Variants in VIM observed in about 807,000 individuals in gnomAD.
The protein encoded by VIM is vimentin, also known as epididymis secretory sperm binding protein.
VIM carries 18 observed loss-of-function variants against 50.3 expected under a neutral mutation model. That is an observed-to-expected ratio of 0.36 (90% CI 0.25 to 0.53). The LOEUF (loss-of-function observed/expected upper bound fraction) is 0.53. Among genes scored for constraint, VIM ranks in the 20% least tolerant of loss-of-function variants. The pLI, the probability that VIM is intolerant of heterozygous loss-of-function variation, is 0.91. For missense variants in VIM, 551 were observed against 614.7 expected, an observed-to-expected ratio of 0.90 and a Z score of 1.10; for synonymous variants, 245 against 248.5, an observed-to-expected ratio of 0.99 and a Z score of 0.13.
Position 17,233,936 on chromosome 10 carries a change from G to A in VIM, c.882+5G>A, listed in dbSNP as rs1473969200. ...GAAGAATGGTACAAATCCAAGGTAG[G>A]AAACAAATCAGTGCGGCTTCAACCA... is the stretch of plus-strand genomic sequence containing the variant. On this transcript the variant is annotated splice_donor_5th_base_variant and intron_variant, in intron 5 of 9. Transcript: ENST00000544301. The A allele has an allele frequency of 6.2e-7, 1 of 1,612,094 alleles. No individual in the cohort carries two copies. The highest frequency in any genetic ancestry group is 1.3e-5 in the African/African-American group (1 of 74,972).
chr10:17,229,873 G>A lies in VIM; in HGVS notation c.451G>A (p.Glu151Lys), dbSNP rs121917775. 1.1e-5 allele frequency: 18 copies of A among 1,610,420 alleles called. No individual in the cohort carries two copies. Among genetic ancestry groups the A allele is most frequent in the South Asian group, 3.3e-5 (3 of 90,330 alleles). Residue 151 changes from glutamate (E) to lysine (K), a missense_variant, in exon 2 of 10, where the codon GAG becomes AAG. Glu to Lys is a moderately conservative substitution (Grantham distance 56). Around this residue, in one of 3 missense-constraint regions of VIM, gnomAD observed 394 missense variants for 437.5 expected, o/e 0.90. Coordinates refer to ENST00000544301, the MANE Select transcript of VIM (RefSeq NM_003380.5). Reference protein sequence around the residue: ...QGKSRLGDLYEEEMRELRRQV... With the variant: ...QGKSRLGDLYKEEMRELRRQV... ...CAAGTCGCGCCTGGGGGACCTCTAC[G>A]AGGAGGAGATGCGGGAGCTGCGCCG...
intron 9 of VIM, among the ~76,000 whole-genome samples, chr10:17,236,906 G>A (rs1441446992): frequency 6.6e-6 from 1 of 152,112 alleles, no homozygotes; most frequent in Admixed American, 6.6e-5. Flanking sequence ...AAATGTACCT[G>A]CTGCACATTT....
chr10:17,229,148 C>T (rs1024518348), intron 1 of VIM, 128 bp from the exon 2 acceptor site: 1 of 150,878 alleles, frequency 6.6e-6, no homozygotes, highest in Non-Finnish European at 1.5e-5. Flanking sequence ...GCCCCCACCC[C>T]ACCCGCCCAC....
At chr10:17,235,571 A>C in intron 7 of VIM, 182 bp downstream of exon 7, 1 of 760,382 alleles carries the variant, frequency 1.3e-6, no homozygotes, top group Non-Finnish European at 2.2e-6. Context: ...AAAAAGGGTT[A>C]ATCAACAGCA....
chr10:17,232,803 G>A (rs1207261871), intron 3 of VIM, among the ~76,000 whole-genome samples: 1 of 152,178 alleles, frequency 6.6e-6, no homozygotes, highest in Non-Finnish European at 1.5e-5. Context: ...TGAAGCACAA[G>A]TTTCTGTTCT....
chr10:17,235,341 A>T lies in VIM; in HGVS notation c.1181A>T (p.Asp394Val), dbSNP rs1258626020. 1 of 1,614,134 alleles carries T rather than the reference A, an allele frequency of 6.2e-7. No individual in the cohort carries two copies. Among genetic ancestry groups the T allele is most frequent in the African/African-American group, 1.3e-5 (1 of 74,942 alleles). Reference protein sequence around the residue: ...QDLLNVKMALDIEIATYRKLL... With the variant: ...QDLLNVKMALVIEIATYRKLL... ...CTGCTCAATGTTAAGATGGCCCTTG[A>T]CATTGAGATTGCCACCTACAGGAAG... The change falls in exon 7 of 10, where the codon GAC becomes GTC. Residue 394 changes from aspartate (D) to valine (V), a missense_variant. Physicochemically the swap from Asp to Val is radical, Grantham distance 152 (BLOSUM62 -3). Transcript: ENST00000544301.
In VIM at chr10:17,229,479, C is replaced by A. The variant is rs1322281451; in HGVS notation, c.57C>A (p.Gly19=). ...SSYRRMFGGP[G]TASRPSSSRS... is the part of the protein sequence containing the mutation. Reference sequence around the variant, plus strand: ...ACCGCAGGATGTTCGGCGGCCCGGGCACCGCGAGCCGGCCGAGCTCCAGCC... The same window carrying A: ...ACCGCAGGATGTTCGGCGGCCCGGGAACCGCGAGCCGGCCGAGCTCCAGCC... The change falls in exon 2 of 10, where the codon GGC becomes GGA. Residue 19 remains glycine, a synonymous_variant. Coordinates refer to ENST00000544301, the MANE Select transcript of VIM (RefSeq NM_003380.5). 1 of 1,606,430 alleles carries A rather than the reference C, an allele frequency of 6.2e-7. No homozygotes were observed. Among genetic ancestry groups the A allele is most frequent in the African/African-American group, 1.3e-5 (1 of 74,926 alleles).
Position 17,229,631 on chromosome 10 carries a change from T to G in VIM, c.209T>G (p.Leu70Arg). ...GCCACGCGCTCCTCTGCCGTGCGCC[T>G]GCGGAGCAGCGTGCCCGGGGTGCGG... The part of the protein sequence containing the change: ...VYATRSSAVR[L>R]RSSVPGVRLL... The change falls in exon 2 of 10, where the codon CTG becomes CGG. Residue 70 changes from leucine to arginine, a missense_variant. Transcript: ENST00000544301. The G allele has an allele frequency of 1.9e-6, 3 of 1,583,964 alleles. No individual in the cohort carries two copies. Among genetic ancestry groups the G allele is most frequent in the Non-Finnish European group, 2.6e-6 (3 of 1,165,326 alleles).
In VIM at chr10:17,233,753, G is replaced by T. The variant is rs781136554; in HGVS notation, c.721-17G>T. 6.2e-7 allele frequency: 1 copy of T among 1,614,202 alleles called. No individual in the cohort carries two copies. Among genetic ancestry groups the T allele is most frequent in the East Asian group, 2.2e-5 (1 of 44,880 alleles). ...CCACGGTTGGCAGAGCTGACCGTCT[G>T]TCTGTTCTTTTTGCAGGAAATCCAG... is the stretch of plus-strand genomic sequence containing the variant. On this transcript the variant is annotated splice_polypyrimidine_tract_variant and intron_variant, in intron 4 of 9. Transcript: ENST00000544301.
At position 17,236,463 on chromosome 10, in the gene VIM, C is replaced by T. The variant is rs1158789846; in HGVS notation, c.1359+84C>T. 2.6e-5 allele frequency: 31 copies of T among 1,176,072 alleles called. 1 individual carries two copies. The highest frequency in any genetic ancestry group is 2.4e-5 in the South Asian group (2 of 81,922). The allele number at this position is 1,176,072 out of a possible 1,614,324, so 72.9% of individuals were successfully genotyped here. ...AATCAGTGAATCTGAATCTCAGATACAGCTGGCTAATTTGAGAGGTTCAGG... is the reference window on the plus strand; with the variant it reads ...AATCAGTGAATCTGAATCTCAGATATAGCTGGCTAATTTGAGAGGTTCAGG... On this transcript the variant is annotated intron_variant, in intron 9 of 9. Coordinates refer to ENST00000544301, the MANE Select transcript of VIM (RefSeq NM_003380.5).
At position 17,237,430 on chromosome 10, in the gene VIM, C is replaced by G; in HGVS notation, c.*159C>G. 1.5e-6 allele frequency: 1 copy of G among 667,016 alleles called. No individual in the cohort carries two copies. The highest frequency in any genetic ancestry group is 2.6e-6 in the Non-Finnish European group (1 of 390,046). The allele number at this position is 667,016 out of a possible 1,614,324, so 41.3% of individuals were successfully genotyped here. ...CTCTAGTTCTTAACAACCGACACTC[C>G]TACAAGATTTAGAAAAAAGTTTACA... On this transcript the variant is annotated 3_prime_UTR_variant, in exon 10 of 10. Coordinates refer to ENST00000544301, the MANE Select transcript of VIM (RefSeq NM_003380.5).
At position 17,233,588 on chromosome 10, in the gene VIM, A is replaced by G; in HGVS notation, c.626A>G (p.Asp209Gly). 1.2e-6 allele frequency: 2 copies of G among 1,614,082 alleles called. No individual in the cohort carries two copies. The highest frequency in any genetic ancestry group is 1.7e-6 in the Non-Finnish European group (2 of 1,179,952). Residue 209 changes from aspartate (D) to glycine (G), a missense_variant and splice_region_variant, in exon 4 of 10, where the codon GAT becomes GGT. Physicochemically the swap from Asp to Gly is moderately conservative, Grantham distance 94. Transcript: ENST00000544301. ...AENTLQSFRQ[D>G]VDNASLARLD... Reference sequence around the variant, plus strand: ...CTGTCTTTTCTCTGTTCAAAATAGGATGTTGACAATGCGTCTCTGGCACGT... The same window carrying G: ...CTGTCTTTTCTCTGTTCAAAATAGGGTGTTGACAATGCGTCTCTGGCACGT...
chr10:17,234,550 C>T lies in VIM; in HGVS notation c.883-143C>T, dbSNP rs917295046. Reference sequence around the variant, plus strand: ...AACTCTGAAAATACTAATGTCAGTACTCCACTGCTCTTTCCCTGGCTTTCA... The same window carrying T: ...AACTCTGAAAATACTAATGTCAGTATTCCACTGCTCTTTCCCTGGCTTTCA... On this transcript the variant is annotated intron_variant, in intron 5 of 9. Transcript: ENST00000544301. 3.4e-6 allele frequency: 4 copies of T among 1,170,804 alleles called. No individual in the cohort carries two copies. The African/African-American group carries it at 4.5e-5, about 13-fold the overall frequency. 72.5% of individuals were successfully genotyped at this position (1,170,804 alleles called of 1,614,324 possible).
chr10:17,229,663 C>G lies in VIM; in HGVS notation c.241C>G (p.Gln81Glu). The G allele has an allele frequency of 6.4e-7, 1 of 1,561,634 alleles. No homozygotes were observed. Among genetic ancestry groups the G allele is most frequent in the Admixed American group, 1.9e-5 (1 of 52,244 alleles). ...RSSVPGVRLL[Q>E]DSVDFSLADA... Reference sequence around the variant, plus strand: ...CAGCGTGCCCGGGGTGCGGCTCCTGCAGGACTCGGTGGACTTCTCGCTGGC... The same window carrying G: ...CAGCGTGCCCGGGGTGCGGCTCCTGGAGGACTCGGTGGACTTCTCGCTGGC... Residue 81 changes from glutamine (Q) to glutamate (E), a missense_variant, in exon 2 of 10, where the codon CAG (glutamine) becomes GAG (glutamate). Gln to Glu is a conservative substitution (Grantham distance 29, BLOSUM62 2). Coordinates refer to ENST00000544301, the MANE Select transcript of VIM (RefSeq NM_003380.5).
chr10:17,230,014 G>T, intron 2 of VIM, 29 bp downstream of exon 2: 2 of 1,585,342 alleles, frequency 1.3e-6, no homozygotes, highest in Admixed American at 1.8e-5. Context: ...AAGTAGCTGG[G>T]CCTCGGGAGG....
At chr10:17,234,652 T>C (rs1386514787) in intron 5 of VIM, 41 bp from the exon 6 acceptor site, 8 of 1,612,122 alleles carry the variant, frequency 5.0e-6, no homozygotes, top group Non-Finnish European at 6.8e-6. Flanking sequence ...GTCAAAAGAC[T>C]TGAATGTGAG....
rs1483783185 is a variant in VIM at position 17,235,453 on chromosome 10, G to T, written c.1229+64G>T. 3.9e-6 allele frequency: 6 copies of T among 1,549,460 alleles called. No individual in the cohort carries two copies. In the African/African-American group the frequency reaches 5.4e-5, roughly 14 times the overall value. On this transcript the variant is annotated intron_variant, in intron 7 of 9. Coordinates refer to ENST00000544301, the MANE Select transcript of VIM (RefSeq NM_003380.5). ...CCATTTGTTAGGCCCTGTGCCACTG[G>T]GCTCTAAGCAGTGTCACATTTAATC...
At chr10:17,231,769 G>C (rs896346218) in intron 3 of VIM, among the ~76,000 whole-genome samples, 1 of 122,360 alleles carries the variant, frequency 8.2e-6, no homozygotes, top group South Asian at 3.5e-4. Flanking sequence ...GGGTTTTTGT[G>C]CGTGTTTTTT....
At chr10:17,236,269 A>T in intron 8 of VIM, 25 bp from the exon 9 acceptor site, 2 of 1,571,588 alleles carry the variant, frequency 1.3e-6, no homozygotes, top group Non-Finnish European at 1.8e-6. Flanking sequence ...GTTTTTACTC[A>T]TTTTTGGCCT....
Sources: gnomAD v4.1 joint callset for allele counts (sites outside exome capture counted in the v4.1 genomes callset) on GRCh38, gnomAD v4.1.1 for gene constraint, gnomAD v4.1.1 regional missense constraint, MANE v1.5 for transcripts, NCBI Gene and HGNC (gene_info 2026-07-23, HGNC 2026-07-21) for gene names.